Variants in CRBN observed in about 807,000 individuals in gnomAD.
The protein encoded by CRBN is cereblon.
Under a neutral mutation model 62.2 loss-of-function variants are expected in CRBN, and 53 were observed. The observed-to-expected ratio is 0.85, with a 90% CI of 0.68 to 1.07. CRBN has a LOEUF of 1.07. CRBN is among the 50% of genes least tolerant of loss of function. The pLI, the probability that CRBN is intolerant of heterozygous loss-of-function variation, is 0.00. For missense variants in CRBN, 616 were observed against 531.1 expected (o/e 1.16, Z -1.57); for synonymous variants, 208 against 176.1 (o/e 1.18, Z -1.43).
At chr3:3,172,179 A>T (rs1251129267) in intron 4 of CRBN, 1 of 153,078 alleles carries the variant, frequency 6.5e-6, no homozygotes, top group African/African-American at 2.4e-5. Context: ...AGGCACATAG[A>T]CTACAAGTAT....
chr3:3,159,691 T>C (rs1348270634), intron 5 of CRBN, among the ~76,000 whole-genome samples: 2 of 152,170 alleles, frequency 1.3e-5, no homozygotes, highest in Non-Finnish European at 2.9e-5. Flanking sequence ...CAAATATGCA[T>C]AATACATCCT....
At chr3:3,166,519 C>T (rs1373734080) in intron 5 of CRBN, among the ~76,000 whole-genome samples, 1 of 152,120 alleles carries the variant, frequency 6.6e-6, no homozygotes, top group Non-Finnish European at 1.5e-5. Flanking sequence ...ATCAATATTA[C>T]TAAACGTTAA....
At position 3,168,619 on chromosome 3, in the gene CRBN, A is replaced by G. The variant is rs138920775; in HGVS notation, c.528-826T>C. Among the ~76,000 whole-genome samples, 6 of 152,314 alleles carry G rather than the reference A, an allele frequency of 3.9e-5. No homozygotes were observed. In the East Asian group the frequency reaches 1.2e-3, roughly 29 times the overall value. The stretch of plus-strand genomic sequence containing the variant: ...CAGACTGACAAAGTCAAATATATTA[A>G]AAGTCTCTGCTTTATTAGTTATACT... On this transcript the variant is annotated intron_variant, in intron 4 of 10. Transcript: ENST00000231948.
Position 3,164,872 on chromosome 3 carries a change from C to G in CRBN, c.687+2762G>C, listed in dbSNP as rs143121472. Among the ~76,000 whole-genome samples the G allele has an allele frequency of 7.3e-3, 1,115 of 152,302 alleles. 8 individuals are homozygous for G. Among genetic ancestry groups the G allele is most frequent in the Non-Finnish European group, 0.013 (872 of 68,022 alleles). ...CATTTTTCATAGGCTATAGCTGCCA[C>G]AGATAGTGATTCCTCTGATGGATCT... On this transcript the variant is annotated intron_variant, in intron 5 of 10. Coordinates refer to ENST00000231948, the MANE Select transcript of CRBN (RefSeq NM_016302.4).
chr3:3,172,750 G>C (rs747741863), intron 4 of CRBN, 26 bp downstream of exon 4: 2 of 1,602,896 alleles, frequency 1.2e-6, no homozygotes, highest in Admixed American at 3.3e-5. Context: ...CATTCAAAGA[G>C]CATTAAGGTA....
chr3:3,156,006 G>A lies in CRBN; in HGVS notation c.750+213C>T, dbSNP rs971137589. On this transcript the variant is annotated intron_variant, in intron 6 of 10. Transcript: ENST00000231948. ...ATTTGTAGAGATGGGGTTTCACCAT[G>A]TTGCCCAGGCTGGTCTTGAATGCCT... is the stretch of plus-strand genomic sequence containing the variant. The A allele has an allele frequency of 1.5e-5, 8 of 527,932 alleles. No individual in the cohort carries two copies. The African/African-American group carries it at 1.5e-4, about 10-fold the overall frequency. The allele number at this position is 527,932 out of a possible 1,614,324, so 32.7% of individuals were successfully genotyped here.
chr3:3,152,031 A>T (rs577523762), intron 10 of CRBN, among the ~76,000 whole-genome samples: 1 of 152,354 alleles, frequency 6.6e-6, no homozygotes, highest in East Asian at 1.9e-4. Context: ...TTAACTGGAT[A>T]CAGTAATCTG....
At chr3:3,169,606 C>T (rs1334680049) in intron 4 of CRBN, among the ~76,000 whole-genome samples, 1 of 152,180 alleles carries the variant, frequency 6.6e-6, no homozygotes, top group Non-Finnish European at 1.5e-5. Flanking sequence ...GCCAGAAAGT[C>T]TACAGTCATC....
chr3:3,175,085 C>T, intron 2 of CRBN, 78 bp downstream of exon 2: 1 of 948,092 alleles, frequency 1.1e-6, no homozygotes, highest in Non-Finnish European at 1.7e-6. Flanking sequence ...ATACAAATAT[C>T]AGTCACTTGT....
In CRBN at chr3:3,154,903, C is replaced by CTTAA. The variant is rs1706815172; in HGVS notation, c.751-76_751-73dup. On this transcript the variant is annotated intron_variant, in intron 6 of 10. Coordinates refer to ENST00000231948, the MANE Select transcript of CRBN (RefSeq NM_016302.4). ...AAATTTACTATTAAGCTTTTCAACT[C>CTTAA]TTAAAACTAACACTGGTAGCAATTT... is the stretch of plus-strand genomic sequence containing the variant. 9.3e-5 allele frequency: 80 copies of CTTAA among 859,898 alleles called. 5 individuals are homozygous for CTTAA. In the South Asian group the frequency reaches 1.0e-3, roughly 11 times the overall value. 53.3% of individuals were successfully genotyped at this position (859,898 alleles called of 1,614,324 possible).
Position 3,167,707 on chromosome 3 carries a change from C to T in CRBN, c.614G>A (p.Cys205Tyr), listed in dbSNP as rs781502215. 1.1e-5 allele frequency: 18 copies of T among 1,613,554 alleles called. No individual in the cohort carries two copies. The South Asian group carries it at 1.8e-4, about 16-fold the overall frequency. ...SAVQLESLNK[C>Y]QIFPSKPVSR... is the part of the protein sequence containing the mutation. ...GACAGGTTTTGAAGGAAATATCTGG[C>T]ACTTATTGAGGGATTCTAATTGAAC... Residue 205 changes from cysteine to tyrosine, a missense_variant, in exon 5 of 11, where the codon TGC becomes TAC. Transcript: ENST00000231948.
chr3:3,166,143 T>C (rs1707318889), intron 5 of CRBN, among the ~76,000 whole-genome samples: 1 of 146,382 alleles, frequency 6.8e-6, no homozygotes, highest in South Asian at 2.4e-4. Context: ...TCATCTTGAA[T>C]TGTAACTCCC....
chr3:3,149,903 G>C (rs1706375433), downstream of CRBN: 1 of 152,080 alleles, frequency 6.6e-6, no homozygotes, highest in African/African-American at 2.4e-5. Flanking sequence ...GTGGAAGGAA[G>C]GACCCACTAA....
At chr3:3,160,561 C>T (rs776189180) in intron 5 of CRBN, among the ~76,000 whole-genome samples, 1 of 152,236 alleles carries the variant, frequency 6.6e-6, no homozygotes, top group South Asian at 2.1e-4. Context: ...TGAGGAAGCA[C>T]CTGACTATAC....
At chr3:3,155,477 G>A (rs962496753) in intron 6 of CRBN, 9 of 152,960 alleles carry the variant, frequency 5.9e-5, no homozygotes, top group African/African-American at 1.9e-4. Context: ...ATAGGTCCTT[G>A]GAGAAGTAAT....
intron 5 of CRBN, among the ~76,000 whole-genome samples, chr3:3,166,275 G>A (rs1039029543): frequency 1.3e-5 from 2 of 152,148 alleles, no homozygotes; most frequent in Non-Finnish European, 2.9e-5. Flanking sequence ...TTTTAAAAAT[G>A]GGAGTTTTCC....
chr3:3,160,243 A>C (rs1017795374), intron 5 of CRBN, among the ~76,000 whole-genome samples: 5 of 152,244 alleles, frequency 3.3e-5, no homozygotes, highest in African/African-American at 1.2e-4. Flanking sequence ...GAAAATGGAA[A>C]GAGTAATGTG....
Position 3,152,493 on chromosome 3 carries a change from T to C in CRBN, c.1111A>G (p.Ile371Val). 1 of 1,613,872 alleles carries C rather than the reference T, an allele frequency of 6.2e-7. No homozygotes were observed. Among genetic ancestry groups the C allele is most frequent in the South Asian group, 1.1e-5 (1 of 91,054 alleles). ...TVYKACNLNL[I>V]GRPSTEHSWF... is the part of the protein sequence containing the mutation. Reference sequence around the variant, plus strand: ...CTGTGTTCTGTAGAAGGCCGGCCTATCAGATTCAAGTTGCAAGCCTTATAC... The same window carrying C: ...CTGTGTTCTGTAGAAGGCCGGCCTACCAGATTCAAGTTGCAAGCCTTATAC... Residue 371 changes from isoleucine (I) to valine (V), a missense_variant, in exon 10 of 11, where the codon ATA (isoleucine) becomes GTA (valine). Coordinates refer to ENST00000231948, the MANE Select transcript of CRBN (RefSeq NM_016302.4).
intron 1 of CRBN, among the ~76,000 whole-genome samples, chr3:3,176,451 G>T (rs1043167801): frequency 3.3e-5 from 5 of 152,122 alleles, no homozygotes; most frequent in African/African-American, 1.2e-4. Context: ...ATCTTAAAAT[G>T]AAGGCCAGGT....
Sources: gnomAD v4.1 joint callset for allele counts (sites outside exome capture counted in the v4.1 genomes callset) on GRCh38, gnomAD v4.1.1 for gene constraint, MANE v1.5 for transcripts, NCBI Gene and HGNC (gene_info 2026-07-23, HGNC 2026-07-21) for gene names.